Variants in CCSER1 observed in about 807,000 individuals in gnomAD.
The protein encoded by CCSER1 is coiled-coil serine rich protein 1.
CCSER1 carries 41 observed loss-of-function variants against 82.0 expected under a neutral mutation model. That is an observed-to-expected ratio of 0.50 (90% CI 0.39 to 0.65). The LOEUF (loss-of-function observed/expected upper bound fraction) is 0.65, where lower values mean the gene tolerates loss of function less well. Among genes scored for constraint, CCSER1 ranks in the 30% least tolerant of loss-of-function variants. The pLI is 0.00. For synonymous variants in CCSER1, 414 were observed against 383.9 expected, an observed-to-expected ratio of 1.08 and a Z score of -0.92; for missense variants, 1,119 against 1,064.2, an observed-to-expected ratio of 1.05 and a Z score of -0.72.
chr4:90,631,916 A>G (rs1239948886), intron 6 of CCSER1, among the ~76,000 whole-genome samples: 1 of 152,152 alleles, frequency 6.6e-6, no homozygotes, highest in Non-Finnish European at 1.5e-5. Context: ...AATGACTTTC[A>G]TGTTTAGAGT....
At chr4:90,435,023 CTTT>C (rs1456661719) in intron 4 of CCSER1, among the ~76,000 whole-genome samples, 1 of 152,060 alleles carries the variant, frequency 6.6e-6, no homozygotes, top group East Asian at 1.9e-4. Context: ...GCTTCTTCTT[CTTT>C]GTTTTGATTT....
chr4:91,143,559 G>A (rs554984515), intron 10 of CCSER1, among the ~76,000 whole-genome samples: 2 of 151,762 alleles, frequency 1.3e-5, no homozygotes, highest in South Asian at 2.1e-4. Context: ...CTTATCCCAG[G>A]GGGAATGCCT....
At chr4:90,377,091 C>G (rs1433411584) in intron 3 of CCSER1, among the ~76,000 whole-genome samples, 2 of 152,128 alleles carry the variant, frequency 1.3e-5, no homozygotes, top group Non-Finnish European at 2.9e-5. Flanking sequence ...TGCTGTCACT[C>G]TGGTTATTGC....
At chr4:91,184,256 A>C (rs1197038835) in intron 10 of CCSER1, among the ~76,000 whole-genome samples, 1 of 152,242 alleles carries the variant, frequency 6.6e-6, no homozygotes, top group Non-Finnish European at 1.5e-5. Context: ...GGACTGTTTA[A>C]CATGCCCTGT....
At chr4:91,085,041 T>G (rs1389415340) in intron 9 of CCSER1, among the ~76,000 whole-genome samples, 2 of 151,996 alleles carry the variant, frequency 1.3e-5, no homozygotes, top group Non-Finnish European at 1.5e-5. Context: ...AGTATCTTCT[T>G]AAATTCAAAT....
intron 8 of CCSER1, among the ~76,000 whole-genome samples, chr4:90,830,748 C>A (rs1761020757): frequency 1.3e-5 from 2 of 152,226 alleles, no homozygotes; most frequent in South Asian, 4.1e-4. Context: ...GCCAAACACA[C>A]CCTTCCTTTT....
intron 5 of CCSER1, among the ~76,000 whole-genome samples, chr4:90,589,464 T>A (rs977150447): frequency 6.6e-6 from 1 of 152,098 alleles, no homozygotes; most frequent in Non-Finnish European, 1.5e-5. Context: ...AAAACTTGGA[T>A]TTTTATGATT....
chr4:90,673,400 A>G (rs1009894899), intron 6 of CCSER1, among the ~76,000 whole-genome samples: 1 of 151,984 alleles, frequency 6.6e-6, no homozygotes, highest in Non-Finnish European at 1.5e-5. Context: ...GGAATGCTGT[A>G]TAAACTTTGT....
chr4:91,307,235 T>G (rs925303051), intron 10 of CCSER1, among the ~76,000 whole-genome samples: 1 of 151,868 alleles, frequency 6.6e-6, no homozygotes, highest in Non-Finnish European at 1.5e-5. Context: ...TGTGTAGTAA[T>G]TTTTCATGAA....
intron 10 of CCSER1, among the ~76,000 whole-genome samples, chr4:91,537,112 G>T (rs867361930): frequency 6.6e-6 from 1 of 151,960 alleles, no homozygotes; most frequent in African/African-American, 2.4e-5. Context: ...GTTTATTAGC[G>T]GTCAGGCATT....
At chr4:91,407,604 A>G (rs1752777987) in intron 10 of CCSER1, among the ~76,000 whole-genome samples, 1 of 152,226 alleles carries the variant, frequency 6.6e-6, no homozygotes, top group South Asian at 2.1e-4. Flanking sequence ...TACAAGAAGC[A>G]TCATGTAGCT....
intron 10 of CCSER1, among the ~76,000 whole-genome samples, chr4:91,529,965 C>T (rs1444439390): frequency 6.6e-6 from 1 of 152,062 alleles, no homozygotes; most frequent in Non-Finnish European, 1.5e-5. Flanking sequence ...TATTTCTTCT[C>T]ATTATGAACT....
rs575644651 is a variant in CCSER1 at position 91,082,474 on chromosome 4, C to G, written c.2173-3476C>G. ...TTAAAACCCTAGAAGAAAACCTAGG[C>G]AATACCATTCAGGCCATAGGCATGA... On this transcript the variant is annotated intron_variant, in intron 9 of 10. Transcript: ENST00000509176. Among the ~76,000 whole-genome samples, 14 of 152,288 alleles carry G rather than the reference C, an allele frequency of 9.2e-5. No homozygotes were observed. The East Asian group carries it at 2.7e-3, about 29-fold the overall frequency.
chr4:91,416,528 A>G (rs558975319), intron 10 of CCSER1, among the ~76,000 whole-genome samples: 2 of 152,286 alleles, frequency 1.3e-5, no homozygotes, highest in African/African-American at 4.8e-5. Flanking sequence ...GTAACAGAAT[A>G]GAGAAAACAG....
intron 3 of CCSER1, among the ~76,000 whole-genome samples, chr4:90,392,180 A>G (rs1439300745): frequency 6.6e-6 from 1 of 151,992 alleles, no homozygotes; most frequent in Non-Finnish European, 1.5e-5. Flanking sequence ...ACTTTGAAAT[A>G]GGAAGTTTTC....
chr4:90,246,316 C>G (rs187512363), intron 1 of CCSER1, among the ~76,000 whole-genome samples: 1 of 151,948 alleles, frequency 6.6e-6, no homozygotes, highest in South Asian at 2.1e-4. Context: ...AAATTTCAAC[C>G]CTGTTTGGTT....
At chr4:90,199,411 C>A (rs1380155432) in intron 1 of CCSER1, among the ~76,000 whole-genome samples, 2 of 152,110 alleles carry the variant, frequency 1.3e-5, no homozygotes, top group African/African-American at 4.8e-5. Flanking sequence ...CATTTCATTA[C>A]CCCTTTTGTT....
At chr4:91,387,884 A>AT (rs1396480548) in intron 10 of CCSER1, among the ~76,000 whole-genome samples, 1 of 152,040 alleles carries the variant, frequency 6.6e-6, no homozygotes, top group Non-Finnish European at 1.5e-5. Context: ...ACTTTTCTAC[A>AT]TTTTGCCTAT....
chr4:90,837,537 A>C (rs1215227019), intron 8 of CCSER1, among the ~76,000 whole-genome samples: 1 of 152,208 alleles, frequency 6.6e-6, no homozygotes, highest in African/African-American at 2.4e-5. Context: ...ATGTTAAACA[A>C]AATGTTTTTG....
Sources: allele counts gnomAD v4.1 joint callset (sites outside exome capture counted in the v4.1 genomes callset), GRCh38; gene constraint gnomAD v4.1.1; transcripts MANE v1.5; gene names NCBI Gene and HGNC (gene_info 2026-07-23, HGNC 2026-07-21).